Variants in DNAH11 observed in about 807,000 individuals in gnomAD.
DNAH11 encodes dynein axonemal heavy chain 11, also known as axonemal beta dynein heavy chain 11.
In DNAH11, 442 loss-of-function variants were observed where a neutral mutation model predicts 526.0. The observed-to-expected ratio is 0.84, with a 90% CI of 0.78 to 0.91. The LOEUF (loss-of-function observed/expected upper bound fraction) is 0.91, where lower values mean the gene tolerates loss of function less well. DNAH11 is among the 40% of genes least tolerant of loss of function. The probability of loss-of-function intolerance (pLI) is 0.00; values close to 1 mark genes in which losing one functional copy is unlikely to be tolerated. For missense variants in DNAH11, 6,989 were observed against 5,448.7 expected (o/e 1.28, Z -8.90); for synonymous variants, 2,461 against 1,935.9 (o/e 1.27, Z -7.12).
chr7:21,866,810 A>G, intron 71 of DNAH11, 147 bp downstream of exon 71: 1 of 916,198 alleles, frequency 1.1e-6, no homozygotes, highest in Non-Finnish European at 1.6e-6. Context: ...AATCACTGCT[A>G]CTGTTAAAAT....
chr7:21,885,123 C>T (rs1449225474), intron 76 of DNAH11, among the ~76,000 whole-genome samples: 2 of 131,558 alleles, frequency 1.5e-5, no homozygotes, highest in African/African-American at 5.5e-5. Flanking sequence ...TATATATCAA[C>T]CAAGGGCAAG....
intron 61 of DNAH11, among the ~76,000 whole-genome samples, chr7:21,790,170 G>A (rs187776250): frequency 8.4e-4 from 128 of 152,132 alleles, no homozygotes; most frequent in African/African-American, 2.5e-3. Context: ...TTTTCGGCTC[G>A]GCGCAGTGGC....
chr7:21,803,747 G>A (rs1166444251), intron 62 of DNAH11, among the ~76,000 whole-genome samples: 4 of 151,098 alleles, frequency 2.6e-5, no homozygotes, highest in African/African-American at 9.8e-5. Flanking sequence ...TGGACAATGG[G>A]GCTGTCATCA....
At chr7:21,544,679 A>T (rs1170037466) in intron 1 of DNAH11, among the ~76,000 whole-genome samples, 1 of 120,046 alleles carries the variant, frequency 8.3e-6, no homozygotes, top group South Asian at 2.9e-4. Flanking sequence ...TTTAGGATTG[A>T]AACATTTCTA....
chr7:21,814,722 C>A (rs2127999357), intron 63 of DNAH11, among the ~76,000 whole-genome samples: 1 of 152,210 alleles, frequency 6.6e-6, no homozygotes, highest in South Asian at 2.1e-4. Flanking sequence ...CCATTATAAT[C>A]TTATGAAACC....
intron 25 of DNAH11, among the ~76,000 whole-genome samples, chr7:21,635,369 G>A (rs553932879): frequency 6.6e-6 from 1 of 152,282 alleles, no homozygotes; most frequent in Admixed American, 6.5e-5. Flanking sequence ...TGTTAGCCAG[G>A]TTGGTCTCAA....
chr7:21,566,998 T>C (rs1166470142), intron 6 of DNAH11, among the ~76,000 whole-genome samples: 2 of 152,284 alleles, frequency 1.3e-5, no homozygotes, highest in Non-Finnish European at 2.9e-5. Context: ...TATACAAAGA[T>C]CCCCTCTTTT....
chr7:21,850,287 C>T (rs1487639812), intron 66 of DNAH11, among the ~76,000 whole-genome samples: 9 of 145,444 alleles, frequency 6.2e-5, no homozygotes, highest in Admixed American at 2.8e-4. Flanking sequence ...ACCCGGGAGG[C>T]GGAGCTTGCA....
chr7:21,666,459 G>A (rs1379160429), intron 30 of DNAH11, among the ~76,000 whole-genome samples: 14 of 152,020 alleles, frequency 9.2e-5, no homozygotes, highest in Admixed American at 7.9e-4. Flanking sequence ...TATCTGTAGT[G>A]TGCAGGGACA....
At chr7:21,696,994 CTG>C (rs922476556) in intron 35 of DNAH11, among the ~76,000 whole-genome samples, 6 of 152,056 alleles carry the variant, frequency 3.9e-5, no homozygotes, top group Non-Finnish European at 4.4e-5. Flanking sequence ...AGAGTAATAA[CTG>C]TGTGAAAAAA....
intron 2 of DNAH11, among the ~76,000 whole-genome samples, chr7:21,547,845 T>C (rs1782861977): frequency 6.6e-6 from 1 of 152,240 alleles, no homozygotes; most frequent in South Asian, 2.1e-4. Context: ...TTTTGGTTCT[T>C]GAATCACTCT....
In DNAH11 at chr7:21,901,802, GTCAAGTTTTAATAAAAATAA is replaced by G. The variant is rs1241253588; in HGVS notation, c.*549_*568del. 1 of 164,318 alleles carries G rather than the reference GTCAAGTTTTAATAAAAATAA, an allele frequency of 6.1e-6. No individual in the cohort carries two copies. Among genetic ancestry groups the G allele is most frequent in the African/African-American group, 2.4e-5 (1 of 41,572 alleles). The allele number at this position is 164,318 out of a possible 1,614,324, so 10.2% of individuals were successfully genotyped here. Reference sequence around the variant, plus strand: ...AATGTTGATGGTCCCCTTTTGTTCAGTCAAGTTTTAATAAAAATAAAACTGTTCTACAGTTAATTGCACTT... The same window carrying G: ...AATGTTGATGGTCCCCTTTTGTTCAGAACTGTTCTACAGTTAATTGCACTT... On this transcript the variant is annotated 3_prime_UTR_variant, in exon 82 of 82. Coordinates refer to ENST00000409508, the MANE Select transcript of DNAH11 (RefSeq NM_001277115.2).
intron 74 of DNAH11, among the ~76,000 whole-genome samples, chr7:21,875,207 CAT>C (rs918615937): frequency 3.9e-5 from 6 of 152,218 alleles, no homozygotes; most frequent in East Asian, 1.9e-4. Context: ...CTATGACAGA[CAT>C]ATATGTTTTT....
At chr7:21,713,079 G>A (rs1784521656) in intron 42 of DNAH11, among the ~76,000 whole-genome samples, 1 of 152,160 alleles carries the variant, frequency 6.6e-6, no homozygotes, top group Admixed American at 6.5e-5. Flanking sequence ...ACTTTATGGT[G>A]CCCAGTTGCT....
chr7:21,751,540 T>C (rs1160185660), intron 54 of DNAH11, among the ~76,000 whole-genome samples: 1 of 152,192 alleles, frequency 6.6e-6, no homozygotes, highest in East Asian at 1.9e-4. Context: ...CTTTCTAGTA[T>C]GGAAACTAGG....
chr7:21,590,799 C>T, intron 12 of DNAH11, 119 bp from the exon 13 acceptor site: 31 of 616,798 alleles, frequency 5.0e-5, no homozygotes, highest in South Asian at 3.7e-4. Flanking sequence ...GTCTATTTAC[C>T]TTGATTTGGA....
At chr7:21,618,949 G>C in intron 23 of DNAH11, 151 bp from the exon 24 acceptor site, 2 of 1,018,108 alleles carry the variant, frequency 2.0e-6, no homozygotes, top group Non-Finnish European at 2.9e-6. Context: ...AAAAAGGAGT[G>C]TCTTAGATTC....
chr7:21,589,164 A>G (rs1414084416), intron 11 of DNAH11, 44 bp from the exon 12 acceptor site: 1 of 1,415,384 alleles, frequency 7.1e-7, no homozygotes, highest in Admixed American at 2.5e-5. Context: ...GCGGAAATCT[A>G]TCTAATATAC....
intron 73 of DNAH11, among the ~76,000 whole-genome samples, chr7:21,869,360 C>CT (rs35611631): frequency 0.54 from 82,291 of 151,838 alleles, 26,907 homozygotes; most frequent in Non-Finnish European, 0.74. Context: ...CGACAGAACT[C>CT]TTTTTTAATG....
Sources: gnomAD v4.1 joint callset for allele counts (sites outside exome capture counted in the v4.1 genomes callset) on GRCh38, gnomAD v4.1.1 for gene constraint, MANE v1.5 for transcripts, NCBI Gene and HGNC (gene_info 2026-07-23, HGNC 2026-07-21) for gene names.